The following ATRNL1 variants were observed in gnomAD, a reference collection of about 807,000 sequenced individuals.
ATRNL1 encodes attractin like 1.
Under a neutral mutation model 182.7 loss-of-function variants are expected in ATRNL1, and 95 were observed. The observed-to-expected ratio is 0.52, with a 90% confidence interval of 0.44 to 0.62. The LOEUF (loss-of-function observed/expected upper bound fraction) is 0.62, where lower values mean the gene tolerates loss of function less well. Among genes scored for constraint, ATRNL1 ranks in the 20% least tolerant of loss-of-function variants. The pLI is 0.00. For missense variants in ATRNL1, 1,471 were observed against 1,679.5 expected (o/e 0.88, Z 2.17); for synonymous variants, 576 against 568.3 (o/e 1.01, Z -0.19).
intron 25 of ATRNL1, among the ~76,000 whole-genome samples, chr10:115,537,026 T>G (rs1378680549): frequency 5.3e-5 from 8 of 152,234 alleles, no homozygotes; most frequent in African/African-American, 1.9e-4. Context: ...CACCTGAAGA[T>G]ATGGATTTTG....
intron 27 of ATRNL1, among the ~76,000 whole-genome samples, chr10:115,755,805 T>G (rs1473907270): frequency 1.3e-5 from 2 of 152,174 alleles, no homozygotes; most frequent in Non-Finnish European, 1.5e-5. Context: ...GTCCTGGACG[T>G]TTTTTGGTTG....
chr10:115,593,070 C>A (rs1408446223), intron 26 of ATRNL1, among the ~76,000 whole-genome samples: 12 of 152,286 alleles, frequency 7.9e-5, no homozygotes, highest in African/African-American at 2.9e-4. Context: ...GGTTGAGGGG[C>A]ATGCATCTAG....
Position 115,457,362 on chromosome 10 carries a change from G to C in ATRNL1, c.3323-4579G>C, listed in dbSNP as rs1357059285. 2.0e-5 allele frequency among the ~76,000 whole-genome samples: 3 copies of C among 152,018 alleles called. No individual in the cohort carries two copies. The South Asian group carries it at 6.2e-4, about 32-fold the overall frequency. ...ATCATACACCAGGAACCAATCGAGA[G>C]AGTGGGTGGGTTGGCGATAGAAGTT... is the stretch of plus-strand genomic sequence containing the variant. On this transcript the variant is annotated intron_variant, in intron 21 of 28. Coordinates refer to ENST00000355044, the MANE Select transcript of ATRNL1 (RefSeq NM_207303.4).
intron 27 of ATRNL1, among the ~76,000 whole-genome samples, chr10:115,842,270 T>C (rs1950827852): frequency 6.6e-6 from 1 of 152,146 alleles, no homozygotes; most frequent in African/African-American, 2.4e-5. Flanking sequence ...TGGCATGCGA[T>C]GGTGGCCATT....
intron 26 of ATRNL1, among the ~76,000 whole-genome samples, chr10:115,710,454 G>A (rs7076927): frequency 0.38 from 57,365 of 151,940 alleles, 11,760 homozygotes; most frequent in East Asian, 0.64. Flanking sequence ...TGTCCCACTG[G>A]CAGGTTACAA....
chr10:115,094,162 T>A, intron 1 of ATRNL1, 119 bp downstream of exon 1: 1 of 1,051,444 alleles, frequency 9.5e-7, no homozygotes, highest in Non-Finnish European at 1.2e-6. Flanking sequence ...CGGCCGTGAG[T>A]GAACCTCAGC....
At chr10:115,582,508 T>C (rs1291067607) in intron 26 of ATRNL1, among the ~76,000 whole-genome samples, 2 of 126,680 alleles carry the variant, frequency 1.6e-5, no homozygotes, top group South Asian at 3.1e-4. Context: ...ATGGTGAGCA[T>C]TTTTTCATGT....
intron 9 of ATRNL1, among the ~76,000 whole-genome samples, chr10:115,223,382 G>A (rs1244143511): frequency 6.6e-6 from 1 of 152,170 alleles, no homozygotes; most frequent in African/African-American, 2.4e-5. Flanking sequence ...TTAGCCATCT[G>A]CTGCTTAGAA....
At chr10:115,727,946 T>C (rs1458175236) in intron 27 of ATRNL1, among the ~76,000 whole-genome samples, 2 of 151,628 alleles carry the variant, frequency 1.3e-5, no homozygotes, top group Non-Finnish European at 2.9e-5. Context: ...CCAAAAGTAA[T>C]ACATGAAGTG....
At chr10:115,937,351 T>C (rs1953591326) in intron 28 of ATRNL1, among the ~76,000 whole-genome samples, 1 of 152,198 alleles carries the variant, frequency 6.6e-6, no homozygotes, top group Admixed American at 6.5e-5. Flanking sequence ...TTTTAGTAGG[T>C]GAGGGGAAAT....
chr10:115,426,098 C>G (rs1408194749), intron 20 of ATRNL1, 152 bp from the exon 21 acceptor site: 2 of 536,756 alleles, frequency 3.7e-6, no homozygotes, highest in African/African-American at 3.9e-5. Context: ...ATTTCAAACA[C>G]ATCTTTCAAA....
intron 5 of ATRNL1, among the ~76,000 whole-genome samples, chr10:115,147,626 A>G (rs1054311129): frequency 5.9e-5 from 9 of 152,116 alleles, no homozygotes; most frequent in Admixed American, 5.9e-4. Context: ...TCTTTAATCC[A>G]TTTTGAGTTT....
intron 27 of ATRNL1, among the ~76,000 whole-genome samples, chr10:115,748,818 C>G (rs575510242): frequency 4.7e-4 from 72 of 151,988 alleles, no homozygotes; most frequent in Non-Finnish European, 9.0e-4. Context: ...TTATGTTTAG[C>G]TTCCATAGCA....
intron 15 of ATRNL1, among the ~76,000 whole-genome samples, chr10:115,295,061 C>T (rs189996004): frequency 6.6e-6 from 1 of 152,254 alleles, no homozygotes; most frequent in Admixed American, 6.5e-5. Flanking sequence ...ACTTGGCTGA[C>T]CTGGGGGCTT....
intron 1 of ATRNL1, among the ~76,000 whole-genome samples, chr10:115,101,888 C>T (rs986789099): frequency 1.3e-5 from 2 of 152,136 alleles, no homozygotes; most frequent in Non-Finnish European, 1.5e-5. Context: ...ATACAGAAGG[C>T]TATATGACTA....
rs531602191 is a variant in ATRNL1, at chr10:115,094,106, G to GC, written c.293+69dup. ...CCTCGCTCCCGTCGCGGCCTTCCCC[G>GC]CCCCCCTCGCGGCCTCCCCCGCCCC... On this transcript the variant is annotated intron_variant, in intron 1 of 28. Coordinates refer to ENST00000355044, the MANE Select transcript of ATRNL1 (RefSeq NM_207303.4). The GC allele has an allele frequency of 2.1e-3, 2,739 of 1,294,836 alleles. 3 individuals carry two copies. Among genetic ancestry groups the GC allele is most frequent in the African/African-American group, 5.3e-3 (341 of 64,742 alleles). The allele number at this position is 1,294,836 out of a possible 1,614,324, so 80.2% of individuals were successfully genotyped here. A position where few individuals can be genotyped will look rare whatever the true frequency, so the allele number is the denominator to read the frequency against.
At chr10:115,703,037 A>G (rs1386128543) in intron 26 of ATRNL1, among the ~76,000 whole-genome samples, 2 of 152,032 alleles carry the variant, frequency 1.3e-5, no homozygotes, top group South Asian at 2.1e-4. Context: ...TAATCAAAAC[A>G]GATGGTACTG....
intron 25 of ATRNL1, among the ~76,000 whole-genome samples, chr10:115,544,971 T>C (rs1381803056): frequency 6.6e-6 from 1 of 152,208 alleles, no homozygotes; most frequent in South Asian, 2.1e-4. Context: ...TTTGTATGTA[T>C]ATTTTTTAAG....
Position 115,847,906 on chromosome 10 carries a change from A to T in ATRNL1, c.3933A>T (p.Pro1311=), listed in dbSNP as rs372156632. ...CACCCAAGCCAATTGCCATTGAACC[A>T]TGTGCTGGGAACAGAGCTGCTGTTC... is the stretch of plus-strand genomic sequence containing the variant. ...EGAPKPIAIE[P]CAGNRAAVLT... Residue 1311 remains proline, a synonymous_variant, in exon 28 of 29, where the codon CCA becomes CCT. Transcript: ENST00000355044. 1.9e-4 allele frequency: 306 copies of T among 1,612,568 alleles called. No homozygotes were observed. In the South Asian group the frequency reaches 3.1e-3, roughly 16 times the overall value.
Sources: allele counts gnomAD v4.1 joint callset (sites outside exome capture counted in the v4.1 genomes callset), GRCh38; gene constraint gnomAD v4.1.1; transcripts MANE v1.5; gene names NCBI Gene and HGNC (gene_info 2026-07-23, HGNC 2026-07-21).